TRPM1: variants seen among roughly 807,000 people sequenced by gnomAD.
TRPM1 encodes TRPM1-203 APA Isoform, Intron 10.
In TRPM1, 113 loss-of-function variants were observed where a neutral mutation model predicts 149.4. That is an observed-to-expected ratio of 0.76 (90% CI 0.65 to 0.88). TRPM1 has a LOEUF of 0.88. Ranked by LOEUF, TRPM1 falls within the 40% of genes least tolerant of loss-of-function variation. The pLI, the probability that TRPM1 is intolerant of heterozygous loss-of-function variation, is 0.00. For synonymous variants in TRPM1, 741 were observed against 759.5 expected (o/e 0.98, Z 0.40); for missense variants, 1,976 against 2,038.7 (o/e 0.97, Z 0.59).
At chr15:31,056,815 T>A (rs1311010332) in intron 11 of TRPM1, among the ~76,000 whole-genome samples, 3 of 152,314 alleles carry the variant, frequency 2.0e-5, no homozygotes, top group Non-Finnish European at 4.4e-5. Flanking sequence ...AAGAAGGCCC[T>A]GACAAGATAC....
At chr15:31,152,281 C>A (rs2036312823) in intron 1 of TRPM1, among the ~76,000 whole-genome samples, 1 of 152,202 alleles carries the variant, frequency 6.6e-6, no homozygotes, top group African/African-American at 2.4e-5. Context: ...GATGTGGGAC[C>A]ACCTGCCCAG....
At chr15:31,080,728 G>A (rs1224040960) in intron 2 of TRPM1, among the ~76,000 whole-genome samples, 2 of 126,524 alleles carry the variant, frequency 1.6e-5, no homozygotes, top group Non-Finnish European at 3.3e-5. Flanking sequence ...CCCGCCCCCA[G>A]CCCCGCTCCC....
chr15:31,104,924 T>C (rs150142943), upstream of TRPM1, among the ~76,000 whole-genome samples: 428 of 152,262 alleles, frequency 2.8e-3, no homozygotes, highest in African/African-American at 9.5e-3. Flanking sequence ...TTAGGTCGAC[T>C]CTTCTTTATT....
intron 1 of TRPM1, among the ~76,000 whole-genome samples, chr15:31,088,933 G>A (rs1308751658): frequency 6.6e-6 from 1 of 152,164 alleles, no homozygotes; most frequent in Admixed American, 6.5e-5. Context: ...GAATTGCGTG[G>A]AAGCTGCTGG....
intron 5 of TRPM1, 141 bp from the exon 6 acceptor site, chr15:31,067,328 A>T (rs1165702457): frequency 7.9e-7 from 1 of 1,272,330 alleles, no homozygotes; most frequent in East Asian, 2.3e-5. Flanking sequence ...TCATTAAAAC[A>T]AAGTACACTG....
intron 1 of TRPM1, among the ~76,000 whole-genome samples, chr15:31,157,829 A>G (rs1267284502): frequency 1.3e-5 from 2 of 152,150 alleles, no homozygotes; most frequent in Non-Finnish European, 2.9e-5. Flanking sequence ...GTACAAATAG[A>G]GGGCCAGGCG....
Position 31,050,562 on chromosome 15 carries a change from G to C in TRPM1, c.1284C>G (p.Pro428=). 6.2e-7 allele frequency: 1 copy of C among 1,614,064 alleles called. No individual in the cohort carries two copies. Residue 428 remains proline (P), a synonymous_variant, in exon 12 of 28, where the codon CCC becomes CCG. Transcript: ENST00000256552. ...PHWPPLGSLA[P]PTDSKATEKE... Reference sequence around the variant, plus strand: ...TCTCCGTGGCTTTGCTGTCCGTCGGGGGTGCCAGGCTTCCCAGGGGCTGCA... The same window carrying C: ...TCTCCGTGGCTTTGCTGTCCGTCGGCGGTGCCAGGCTTCCCAGGGGCTGCA...
chr15:31,052,133 T>C (rs570715117), intron 11 of TRPM1, among the ~76,000 whole-genome samples: 1 of 152,358 alleles, frequency 6.6e-6, no homozygotes, highest in East Asian at 1.9e-4. Flanking sequence ...CCCAGTGCAT[T>C]TTCCACAGTA....
intron 1 of TRPM1, among the ~76,000 whole-genome samples, chr15:31,127,651 A>G (rs2035967500): frequency 6.6e-6 from 1 of 152,116 alleles, no homozygotes; most frequent in Non-Finnish European, 1.5e-5. Context: ...GTGGAGTCAC[A>G]AAGAGCTCAG....
chr15:31,012,966 CTTTCTTTTTCTT>C (rs2032237296), intron 27 of TRPM1, among the ~76,000 whole-genome samples: 1 of 148,380 alleles, frequency 6.7e-6, no homozygotes, highest in Admixed American at 6.7e-5. Flanking sequence ...TCCTTCATTT[CTTTCTTTTTCTT>C]TTTTTTTTTC....
At chr15:31,113,159 C>G (rs1302409893) in intron 1 of TRPM1, among the ~76,000 whole-genome samples, 1 of 152,158 alleles carries the variant, frequency 6.6e-6, no homozygotes, top group East Asian at 1.9e-4. Context: ...TGAATCACCC[C>G]CTTCAAAACT....
At chr15:31,037,992 AT>A in intron 19 of TRPM1, 51 bp downstream of exon 19, 7 of 1,613,748 alleles carry the variant, frequency 4.3e-6, no homozygotes, top group Non-Finnish European at 5.9e-6. Flanking sequence ...AATCTCAACA[AT>A]TTTGAAAACA....
intron 1 of TRPM1, among the ~76,000 whole-genome samples, chr15:31,144,064 G>A (rs1031473325): frequency 3.3e-5 from 5 of 152,206 alleles, no homozygotes. Context: ...CATCGCAGGT[G>A]CAGGAATCTC....
chr15:31,028,454 A>T lies in TRPM1; in HGVS notation c.3171T>A (p.Tyr1057Ter), dbSNP rs267607140. ...EINPPCGENL[Y>*]DEEGKRLPPC... ...GAGGAAGCCGCTTGCCCTCCTCATC[A>T]TATAGGTTCTCACCACAAGGAGCTG... is the stretch of plus-strand genomic sequence containing the variant. Residue 1057 changes from tyrosine (Y) to a stop codon, truncating the protein, a stop_gained, in exon 25 of 28, where the codon TAT becomes TAA. Transcript: ENST00000256552. LOFTEE classifies it high-confidence loss of function. 19 of 1,614,122 alleles carry T rather than the reference A, an allele frequency of 1.2e-5. No homozygotes were observed. The highest frequency in any genetic ancestry group is 1.6e-5 in the Non-Finnish European group (19 of 1,180,036).
chr15:31,032,598 T>G, intron 22 of TRPM1, 91 bp downstream of exon 22: 1 of 1,512,536 alleles, frequency 6.6e-7, no homozygotes, highest in Non-Finnish European at 9.2e-7. Flanking sequence ...AAAAACCAAA[T>G]GAAATTGAAG....
At position 31,011,620 on chromosome 15, in the gene TRPM1, G is replaced by A. The variant is rs112759666; in HGVS notation, c.3630-8550C>T. ...TTAGTGCTTGCCCTGGGGATTATCA[G>A]TAACATCTTAATTTATAACAGTCTA... On this transcript the variant is annotated intron_variant, in intron 27 of 27. Transcript: ENST00000256552. 2.4e-3 allele frequency among the ~76,000 whole-genome samples: 357 copies of A among 150,024 alleles called. 1 individual carries two copies. Among genetic ancestry groups the A allele is most frequent in the African/African-American group, 8.3e-3 (339 of 40,892 alleles).
intron 26 of TRPM1, among the ~76,000 whole-genome samples, 196 bp downstream of exon 26, chr15:31,026,719 T>C (rs1238292027): frequency 1.3e-5 from 2 of 152,236 alleles, no homozygotes; most frequent in African/African-American, 4.8e-5. Context: ...GCTTTCCTAA[T>C]ATTAATTACT....
At chr15:31,113,562 T>TTA (rs2035743482) in intron 1 of TRPM1, among the ~76,000 whole-genome samples, 1 of 152,198 alleles carries the variant, frequency 6.6e-6, no homozygotes, top group African/African-American at 2.4e-5. Context: ...TGTTTTTTTT[T>TTA]AACTTTAGGT....
At chr15:31,008,119 CATAG>C (rs1178802595) in intron 27 of TRPM1, among the ~76,000 whole-genome samples, 1 of 152,154 alleles carries the variant, frequency 6.6e-6, no homozygotes, top group East Asian at 1.9e-4. Flanking sequence ...TGATTTTCTA[CATAG>C]ATAATCATCT....
Sources: allele counts gnomAD v4.1 joint callset (sites outside exome capture counted in the v4.1 genomes callset), GRCh38; gene constraint gnomAD v4.1.1; transcripts MANE v1.5; gene names NCBI Gene and HGNC (gene_info 2026-07-23, HGNC 2026-07-21).